The following PCDHA9 variants were observed in gnomAD, a reference collection of about 807,000 sequenced individuals.
PCDHA9 encodes the protein protocadherin alpha 9.
PCDHA9 carries 62 observed loss-of-function variants against 62.0 expected under a neutral mutation model. The observed-to-expected ratio is 1.00, with a 90% CI of 0.81 to 1.23. PCDHA9 has a LOEUF of 1.23. Ranked by LOEUF, PCDHA9 falls within the 50% of genes most tolerant of loss-of-function variation. The pLI, the probability that PCDHA9 is intolerant of heterozygous loss-of-function variation, is 0.00. For missense variants in PCDHA9, 1,205 were observed against 1,249.8 expected (o/e 0.96, Z 0.54); for synonymous variants, 557 against 567.6 (o/e 0.98, Z 0.27).
intron 1 of PCDHA9, among the ~76,000 whole-genome samples, chr5:140,960,656 G>T (rs553083977): frequency 1.3e-5 from 2 of 152,218 alleles, no homozygotes; most frequent in Admixed American, 1.3e-4. Context: ...CCAAATCAAT[G>T]AATGCTTTGG....
At chr5:140,871,934 C>T (rs2053394158) in intron 1 of PCDHA9, among the ~76,000 whole-genome samples, 1 of 152,222 alleles carries the variant, frequency 6.6e-6, no homozygotes, top group Non-Finnish European at 1.5e-5. Flanking sequence ...GTTAGATCAA[C>T]TGGCTTTGTT....
intron 1 of PCDHA9, among the ~76,000 whole-genome samples, chr5:140,918,743 A>T (rs1346660934): frequency 6.6e-6 from 1 of 152,196 alleles, no homozygotes; most frequent in Non-Finnish European, 1.5e-5. Flanking sequence ...CCCTTATAAA[A>T]GAGGCCCAGA....
intron 1 of PCDHA9, among the ~76,000 whole-genome samples, chr5:140,973,232 G>A (rs1307717074): frequency 6.6e-6 from 1 of 152,196 alleles, no homozygotes; most frequent in Non-Finnish European, 1.5e-5. Context: ...ATAGTGACCT[G>A]AAAGAGTTAA....
chr5:140,884,158 G>A (rs376345503), intron 1 of PCDHA9: 8 of 1,613,488 alleles, frequency 5.0e-6, no homozygotes, highest in African/African-American at 1.3e-5. Context: ...ACACTGGCGA[G>A]ATCAGCACGA....
intron 1 of PCDHA9, chr5:140,870,784 G>T (rs374163229): frequency 3.1e-6 from 5 of 1,613,574 alleles, no homozygotes; most frequent in Non-Finnish European, 4.2e-6. Context: ...GAACGACAAC[G>T]CGCCGGCACT....
In PCDHA9 at chr5:141,010,461, G is replaced by A; in HGVS notation, c.*524G>A. The A allele has an allele frequency of 1.2e-6, 1 of 823,014 alleles. No homozygotes were observed. The highest frequency in any genetic ancestry group is 1.8e-6 in the Non-Finnish European group (1 of 553,022). The allele number at this position is 823,014 out of a possible 1,614,324, so 51.0% of individuals were successfully genotyped here. A position where few individuals can be genotyped will look rare whatever the true frequency, so the allele number is the denominator to read the frequency against. On this transcript the variant is annotated 3_prime_UTR_variant, in exon 4 of 4. Transcript: ENST00000532602. ...GACAAATAAACAGCGGAAGTTATCA[G>A]TATGGAGGGGAAGTGTAAACTTAAA...
At chr5:140,886,405 GT>G (rs2060969795) in intron 1 of PCDHA9, among the ~76,000 whole-genome samples, 1 of 151,966 alleles carries the variant, frequency 6.6e-6, no homozygotes, top group Admixed American at 6.6e-5. Context: ...TCACAAATAT[GT>G]TTTCCTCCTA....
Position 140,876,248 on chromosome 5 carries a change from CAA to C in PCDHA9, c.2394+25360_2394+25361del, listed in dbSNP as rs782415667. On this transcript the variant is annotated intron_variant, in intron 1 of 3. Transcript: ENST00000532602. ...TTGTCTGAAAATGTCCAAAACGACA[CAA>C]GAGTGATCCAACTAAATGCTTCCGA... 1.9e-6 allele frequency: 3 copies of C among 1,613,868 alleles called. No homozygotes were observed. In the East Asian group the frequency reaches 6.7e-5, roughly 36 times the overall value.
intron 3 of PCDHA9, among the ~76,000 whole-genome samples, chr5:140,993,152 C>A (rs932484139): frequency 2.6e-4 from 39 of 152,142 alleles, no homozygotes; most frequent in African/African-American, 9.2e-4. Context: ...TAAATGGATT[C>A]TAAATATTTG....
At chr5:140,874,058 T>C (rs1454224127) in intron 1 of PCDHA9, among the ~76,000 whole-genome samples, 1 of 152,234 alleles carries the variant, frequency 6.6e-6, no homozygotes, top group African/African-American at 2.4e-5. Context: ...TTAGACAATT[T>C]AAATAATTAG....
chr5:140,909,117 G>T lies in PCDHA9; in HGVS notation c.2394+58228G>T, dbSNP rs576916273. Among the ~76,000 whole-genome samples the T allele has an allele frequency of 1.1e-4, 16 of 152,272 alleles. No homozygotes were observed. The South Asian group carries it at 3.1e-3, about 30-fold the overall frequency. On this transcript the variant is annotated intron_variant, in intron 1 of 3. Transcript: ENST00000532602. ...ACTCACTGGGTCCAATCAGCAAAAT[G>T]TCATCAAGGTAATGAACCAGTGTGA...
chr5:141,000,393 C>CTATAAATATATA (rs1563650230), intron 3 of PCDHA9, among the ~76,000 whole-genome samples: 1 of 52,856 alleles, frequency 1.9e-5, no homozygotes, highest in African/African-American at 9.2e-5. Flanking sequence ...CTCTCTCTCT[C>CTATAAATATATA]TCTATATATA....
chr5:140,904,499 A>G (rs1554191555), intron 1 of PCDHA9, among the ~76,000 whole-genome samples: 1 of 151,770 alleles, frequency 6.6e-6, no homozygotes, highest in Non-Finnish European at 1.5e-5. Flanking sequence ...AATTTTTACA[A>G]TTGTGAATTG....
At chr5:140,982,192 G>A (rs1390222750) in intron 2 of PCDHA9, among the ~76,000 whole-genome samples, 4 of 152,230 alleles carry the variant, frequency 2.6e-5, no homozygotes, top group Non-Finnish European at 4.4e-5. Context: ...TGGGCTTCCT[G>A]TTAGATTTAG....
intron 1 of PCDHA9, chr5:140,967,797 C>T: frequency 6.2e-7 from 1 of 1,614,184 alleles, no homozygotes; most frequent in East Asian, 2.2e-5. Flanking sequence ...GGTCCAGTGC[C>T]CATGGCAGGT....
chr5:140,862,432 C>T (rs746687465), intron 1 of PCDHA9: 1 of 355,106 alleles, frequency 2.8e-6, no homozygotes, highest in Non-Finnish European at 5.6e-6. Context: ...AGAAACTATT[C>T]GTTGGTACTC....
intron 1 of PCDHA9, among the ~76,000 whole-genome samples, chr5:140,951,398 A>T (rs1428015395): frequency 6.6e-6 from 1 of 152,100 alleles, no homozygotes; most frequent in Non-Finnish European, 1.5e-5. Flanking sequence ...TTATAAAGAA[A>T]AGAGGTTTAA....
chr5:140,955,501 A>G (rs1479045859), intron 1 of PCDHA9, among the ~76,000 whole-genome samples: 5 of 152,114 alleles, frequency 3.3e-5, no homozygotes, highest in African/African-American at 1.2e-4. Context: ...CATGTGAAGA[A>G]AGACGTGTTT....
At position 140,851,080 on chromosome 5, in the gene PCDHA9, T is replaced by C. The variant is rs1329158388; in HGVS notation, c.2394+191T>C. On this transcript the variant is annotated intron_variant, in intron 1 of 3. Coordinates refer to ENST00000532602, the MANE Select transcript of PCDHA9 (RefSeq NM_031857.2). ...GACTTCTAGTGAGAATTATAAACTGTATATTAAATAGATATTTTTTGGGTG... is the reference window on the plus strand; with the variant it reads ...GACTTCTAGTGAGAATTATAAACTGCATATTAAATAGATATTTTTTGGGTG... 5 of 1,302,950 alleles carry C rather than the reference T, an allele frequency of 3.8e-6. No individual in the cohort carries two copies. In the African/African-American group the frequency reaches 6.1e-5, roughly 16 times the overall value. The allele number at this position is 1,302,950 out of a possible 1,614,324, so 80.7% of individuals were successfully genotyped here.
Sources: allele counts gnomAD v4.1 joint callset (sites outside exome capture counted in the v4.1 genomes callset), GRCh38; gene constraint gnomAD v4.1.1; transcripts MANE v1.5; gene names NCBI Gene and HGNC (gene_info 2026-07-23, HGNC 2026-07-21).